NRG1: variants seen among roughly 807,000 people sequenced by gnomAD.
NRG1 encodes neuregulin 1, also known as pro-neuregulin-1, membrane-bound isoform.
In NRG1, 18 loss-of-function variants were observed where a neutral mutation model predicts 63.8. The ratio of observed to expected loss-of-function variants is 0.28; its 90% CI spans 0.19 to 0.42. The LOEUF is 0.42. Ranked by LOEUF, NRG1 falls within the 10% of genes least tolerant of loss-of-function variation. The probability of loss-of-function intolerance (pLI) is 1.00; values close to 1 mark genes in which losing one functional copy is unlikely to be tolerated. For synonymous variants in NRG1, 302 were observed against 301.3 expected, an observed-to-expected ratio of 1.00 and a Z score of -0.02; for missense variants, 762 against 814.7, an observed-to-expected ratio of 0.94 and a Z score of 0.79.
chr8:32,557,001 TTTTTTGG>T (rs1238916259), intron 1 of NRG1, among the ~76,000 whole-genome samples: 2 of 152,008 alleles, frequency 1.3e-5, no homozygotes, highest in Non-Finnish European at 2.9e-5. Flanking sequence ...TTGGTTTTTG[TTTTTTGG>T]TTTTTGGTTT....
intron 1 of NRG1, among the ~76,000 whole-genome samples, chr8:32,589,784 C>G (rs2129535597): frequency 6.6e-6 from 1 of 152,190 alleles, no homozygotes; most frequent in South Asian, 2.1e-4. Context: ...AATAAGGGCA[C>G]AGTAGATGAT....
chr8:31,880,205 T>A (rs1407001061), intron 1 of NRG1, among the ~76,000 whole-genome samples: 2 of 152,160 alleles, frequency 1.3e-5, no homozygotes, highest in African/African-American at 2.4e-5. Flanking sequence ...TCAAATGTAT[T>A]CATGACATAA....
At chr8:32,319,644 T>C (rs376050162) in intron 1 of NRG1, among the ~76,000 whole-genome samples, 1 of 152,070 alleles carries the variant, frequency 6.6e-6, no homozygotes, top group East Asian at 1.9e-4. Flanking sequence ...GCTCAAAGGA[T>C]TTTTTTAAAT....
At chr8:31,927,442 T>A (rs1834455356) in intron 1 of NRG1, among the ~76,000 whole-genome samples, 1 of 12,830 alleles carries the variant, frequency 7.8e-5, no homozygotes, top group Admixed American at 1.2e-3. Flanking sequence ...AAAACTACTT[T>A]TTTTTTTTTT....
chr8:32,542,702 C>G (rs933047775), intron 1 of NRG1, among the ~76,000 whole-genome samples: 9 of 152,144 alleles, frequency 5.9e-5, no homozygotes, highest in African/African-American at 1.7e-4. Context: ...CTGGGGTGAC[C>G]CACAGCCTCC....
intron 1 of NRG1, among the ~76,000 whole-genome samples, chr8:32,517,502 C>T (rs1829944466): frequency 6.6e-6 from 1 of 152,042 alleles, no homozygotes; most frequent in African/African-American, 2.4e-5. Flanking sequence ...CAAAAGAAAA[C>T]AAAAGAGGTG....
chr8:32,748,666 T>G (rs1435620399), intron 7 of NRG1: 1 of 451,456 alleles, frequency 2.2e-6, no homozygotes, highest in Non-Finnish European at 4.5e-6. Context: ...CAAGTGGCTG[T>G]GTGCATGGGA....
chr8:31,942,335 T>A (rs1001527088), intron 1 of NRG1, among the ~76,000 whole-genome samples: 1 of 152,080 alleles, frequency 6.6e-6, no homozygotes, highest in African/African-American at 2.4e-5. Flanking sequence ...GCAAGCCACA[T>A]GTAGAGGAAT....
chr8:31,895,722 CCT>C (rs1225020685), intron 1 of NRG1, among the ~76,000 whole-genome samples: 4 of 152,162 alleles, frequency 2.6e-5, no homozygotes, highest in Non-Finnish European at 5.9e-5. Context: ...ATTTTCTCTT[CCT>C]CTCTGAGTCC....
intron 1 of NRG1, among the ~76,000 whole-genome samples, chr8:31,830,695 C>A (rs1043555014): frequency 6.6e-6 from 1 of 152,188 alleles, no homozygotes; most frequent in Non-Finnish European, 1.5e-5. Context: ...CATCTCATTC[C>A]TTATTCTAAT....
intron 1 of NRG1, among the ~76,000 whole-genome samples, chr8:32,151,998 GCACAAAATT>G (rs1837552170): frequency 6.6e-6 from 1 of 152,152 alleles, no homozygotes; most frequent in Admixed American, 6.5e-5. Flanking sequence ...TAGGCGAAGT[GCACAAAATT>G]TAAAAGTAAG....
At chr8:32,619,774 T>C (rs1233372420) in intron 5 of NRG1, among the ~76,000 whole-genome samples, 1 of 152,252 alleles carries the variant, frequency 6.6e-6, no homozygotes, top group Non-Finnish European at 1.5e-5. Context: ...TATTAACTAT[T>C]GTTTTACTTG....
intron 1 of NRG1, among the ~76,000 whole-genome samples, chr8:32,270,084 T>A (rs1851387756): frequency 6.6e-6 from 1 of 152,208 alleles, no homozygotes; most frequent in African/African-American, 2.4e-5. Context: ...AATCCATCAT[T>A]ATGTTAAATG....
intron 1 of NRG1, among the ~76,000 whole-genome samples, chr8:31,799,392 A>G (rs1586497888): frequency 1.3e-5 from 2 of 152,274 alleles, no homozygotes; most frequent in African/African-American, 2.4e-5. Context: ...TAAGTGAGAC[A>G]TATCAGTTAC....
rs1259461854 is a variant in NRG1, at chr8:32,641,433, C to A, written c.502+24548C>A. Among the ~76,000 whole-genome samples the A allele has an allele frequency of 5.9e-5, 9 of 152,100 alleles. No homozygotes were observed. The East Asian group carries it at 1.7e-3, about 29-fold the overall frequency. On this transcript the variant is annotated intron_variant, in intron 5 of 11. Transcript: ENST00000356819. ...CTCCAGTGGAATTTTAAAAGAAGGA[C>A]AACTTGTAAAATGACCAATAAACTG... is the stretch of plus-strand genomic sequence containing the variant.
chr8:32,716,940 C>T (rs191128069), intron 5 of NRG1, among the ~76,000 whole-genome samples: 3 of 151,924 alleles, frequency 2.0e-5, no homozygotes, highest in Non-Finnish European at 4.4e-5. Context: ...CTGTTTGCTT[C>T]CTTCCCATTG....
In NRG1 at chr8:32,169,321, G is replaced by A. The variant is rs114805872; in HGVS notation, c.38-426507G>A. Among the ~76,000 whole-genome samples, 1,041 of 152,268 alleles carry A rather than the reference G, an allele frequency of 6.8e-3. 8 individuals carry two copies. Among genetic ancestry groups the A allele is most frequent in the African/African-American group, 0.022 (902 of 41,550 alleles). Reference sequence around the variant, plus strand: ...GGTACAATTGGTTTTCATAAAACTAGTACTCTAATTCTACTTTTCCAGTAG... The same window carrying A: ...GGTACAATTGGTTTTCATAAAACTAATACTCTAATTCTACTTTTCCAGTAG... On this transcript the variant is annotated intron_variant, in intron 1 of 10. Transcript: ENST00000519301.
At chr8:32,745,890 A>T (rs1042656022) in intron 7 of NRG1, among the ~76,000 whole-genome samples, 1 of 152,242 alleles carries the variant, frequency 6.6e-6, no homozygotes, top group South Asian at 2.1e-4. Flanking sequence ...TTGTAATTTT[A>T]GAACTTTTAG....
At chr8:32,249,264 G>A (rs1436166518) in intron 1 of NRG1, among the ~76,000 whole-genome samples, 1 of 152,034 alleles carries the variant, frequency 6.6e-6, no homozygotes, top group Non-Finnish European at 1.5e-5. Flanking sequence ...CACCGTATCT[G>A]GCCAACAGGG....
Sources: gnomAD v4.1 joint callset for allele counts (sites outside exome capture counted in the v4.1 genomes callset) on GRCh38, gnomAD v4.1.1 for gene constraint, MANE v1.5 for transcripts, NCBI Gene and HGNC (gene_info 2026-07-23, HGNC 2026-07-21) for gene names.